The following CSGALNACT1 variants were observed in gnomAD, a reference collection of about 807,000 sequenced individuals.
CSGALNACT1 encodes beta4GalNAcT-1.
Under a neutral mutation model 51.0 loss-of-function variants are expected in CSGALNACT1, and 52 were observed. The observed-to-expected ratio is 1.02, with a 90% CI of 0.82 to 1.29. CSGALNACT1 has a LOEUF of 1.29. CSGALNACT1 is among the 50% of genes most tolerant of loss of function. The probability of loss-of-function intolerance (pLI) is 0.00; values close to 1 mark genes in which losing one functional copy is unlikely to be tolerated. For synonymous variants in CSGALNACT1, 341 were observed against 254.4 expected (o/e 1.34, Z -3.24); for missense variants, 935 against 679.2 (o/e 1.38, Z -4.19).
At chr8:19,691,301 C>T (rs1375282787) in intron 1 of CSGALNACT1, among the ~76,000 whole-genome samples, 2 of 152,094 alleles carry the variant, frequency 1.3e-5, no homozygotes, top group African/African-American at 4.8e-5. Flanking sequence ...AGGCCTCCTC[C>T]CAAACACCGC....
At chr8:19,634,434 A>G (rs10100272) in intron 1 of CSGALNACT1, among the ~76,000 whole-genome samples, 136,770 of 152,204 alleles carry the variant, frequency 0.9, 61,606 homozygotes, top group African/African-American at 0.96. Flanking sequence ...GGCCGAGGCA[A>G]GAGGATCATT....
intron 1 of CSGALNACT1, among the ~76,000 whole-genome samples, chr8:19,666,977 AAGAAAG>A (rs1564385248): frequency 2.2e-3 from 26 of 11,660 alleles, no homozygotes; most frequent in African/African-American, 0.014. Context: ...GAAAGAAAGA[AAGAAAG>A]AAAGAAAGAA....
chr8:19,465,933 C>T (rs1235587543), intron 4 of CSGALNACT1, among the ~76,000 whole-genome samples: 1 of 152,190 alleles, frequency 6.6e-6, no homozygotes, highest in Non-Finnish European at 1.5e-5. Context: ...GAATCCAGAT[C>T]ATGAAAAGAG....
chr8:19,632,348 G>A (rs575021487), intron 1 of CSGALNACT1, among the ~76,000 whole-genome samples: 3 of 152,308 alleles, frequency 2.0e-5, no homozygotes, highest in South Asian at 2.1e-4. Flanking sequence ...AAAAACAAGC[G>A]CTTTCTCAAC....
chr8:19,647,766 C>G (rs2057409747), intron 1 of CSGALNACT1, among the ~76,000 whole-genome samples: 1 of 152,132 alleles, frequency 6.6e-6, no homozygotes, highest in African/African-American at 2.4e-5. Flanking sequence ...CTGATACAAG[C>G]TTTGGGACTG....
chr8:19,547,447 G>GT (rs1554690474), intron 3 of CSGALNACT1, among the ~76,000 whole-genome samples: 1 of 202 alleles, frequency 5.0e-3, no homozygotes, highest in African/African-American at 0.018. Context: ...CATGGGGGTG[G>GT]TTTCCCCATA....
intron 1 of CSGALNACT1, among the ~76,000 whole-genome samples, chr8:19,717,139 A>G (rs1013959203): frequency 1.3e-5 from 2 of 152,246 alleles, no homozygotes; most frequent in African/African-American, 2.4e-5. Flanking sequence ...TATCATTTTA[A>G]GAAATAGTTG....
chr8:19,570,801 G>A lies in CSGALNACT1; in HGVS notation c.-297+20359C>T, dbSNP rs982517594. On this transcript the variant is annotated intron_variant, in intron 3 of 9. Coordinates refer to ENST00000454498, the Ensembl canonical transcript of CSGALNACT1. The stretch of plus-strand genomic sequence containing the variant: ...TGTAATCCCAGCTACTTGGGAGGCT[G>A]AAGCACAAGAATCAAGCTGAGGCTT... Among the ~76,000 whole-genome samples the A allele has an allele frequency of 3.3e-5, 5 of 152,144 alleles. No individual in the cohort carries two copies. In the South Asian group the frequency reaches 6.2e-4, roughly 19 times the overall value.
At position 19,691,128 on chromosome 8, in the gene CSGALNACT1, G is replaced by A. The variant is rs150281494; in HGVS notation, c.-297+66722C>T. Among the ~76,000 whole-genome samples, 639 of 152,232 alleles carry A rather than the reference G, an allele frequency of 4.2e-3. 2 individuals carry two copies. Among genetic ancestry groups the A allele is most frequent in the Non-Finnish European group, 6.7e-3 (459 of 68,016 alleles). On this transcript the variant is annotated intron_variant, in intron 1 of 1. Coordinates refer to the CSGALNACT1 transcript ENST00000517494. ...GAAAAACACAAATAAAACTCTCTGC[G>A]GCTTATCATAAAATGAAATGTCAGC...
chr8:19,630,703 A>G (rs963176908), intron 1 of CSGALNACT1, among the ~76,000 whole-genome samples: 1 of 152,148 alleles, frequency 6.6e-6, no homozygotes, highest in African/African-American at 2.4e-5. Context: ...TCTTTTCCAG[A>G]ATGTCATATA....
chr8:19,547,359 C>T (rs2086711333), intron 3 of CSGALNACT1, among the ~76,000 whole-genome samples: 1 of 152,218 alleles, frequency 6.6e-6, no homozygotes, highest in Non-Finnish European at 1.5e-5. Flanking sequence ...GCTGTGTCCT[C>T]ACTCAATTCT....
At chr8:19,641,126 GTCTTTTTT>G (rs1564328213) in intron 1 of CSGALNACT1, among the ~76,000 whole-genome samples, 1 of 126,018 alleles carries the variant, frequency 7.9e-6, no homozygotes, top group African/African-American at 3.2e-5. Flanking sequence ...ATGGTGACTG[GTCTTTTTT>G]TTTTTTTTTT....
intron 3 of CSGALNACT1, among the ~76,000 whole-genome samples, chr8:19,521,153 G>A (rs1159501333): frequency 2.6e-5 from 4 of 152,104 alleles, no homozygotes; most frequent in Non-Finnish European, 4.4e-5. Context: ...TATAGGTAAC[G>A]GCTAGCCAGC....
At chr8:19,521,296 A>C (rs1016620726) in intron 3 of CSGALNACT1, among the ~76,000 whole-genome samples, 3 of 152,176 alleles carry the variant, frequency 2.0e-5, no homozygotes, top group African/African-American at 7.2e-5. Context: ...TGTTCTAAAT[A>C]AAGGCCAGGG....
chr8:19,617,065 G>A (rs758269026), intron 1 of CSGALNACT1, among the ~76,000 whole-genome samples: 1 of 152,162 alleles, frequency 6.6e-6, no homozygotes, highest in Non-Finnish European at 1.5e-5. Flanking sequence ...CCTGTAACTA[G>A]ACAGTCCCAT....
chr8:19,408,978 A>ACACACACACACACACACACACACACACAC (rs57424251), intron 8 of CSGALNACT1, among the ~76,000 whole-genome samples: 2 of 150,876 alleles, frequency 1.3e-5, no homozygotes, highest in Non-Finnish European at 3.0e-5. Context: ...ACACACACAC[A>ACACACACACACACACACACACACACACAC]ATCAAAAACA....
intron 2 of CSGALNACT1, among the ~76,000 whole-genome samples, chr8:19,593,356 A>G (rs2048235427): frequency 6.6e-6 from 1 of 152,232 alleles, no homozygotes. Context: ...CTTACTGGTA[A>G]GGTTCACCAT....
At chr8:19,607,355 C>T (rs1237682537), upstream of CSGALNACT1, among the ~76,000 whole-genome samples, 8 of 152,068 alleles carry the variant, frequency 5.3e-5, no homozygotes, top group Non-Finnish European at 7.4e-5. Flanking sequence ...GGAGAGGATC[C>T]GCATTATAAC....
At chr8:19,486,050 G>A (rs1316723156) in intron 4 of CSGALNACT1, among the ~76,000 whole-genome samples, 1 of 151,434 alleles carries the variant, frequency 6.6e-6, no homozygotes, top group Non-Finnish European at 1.5e-5. Context: ...ACAGGCGTGA[G>A]CCACCGTACT....
Sources: allele counts gnomAD v4.1 joint callset (sites outside exome capture counted in the v4.1 genomes callset), GRCh38; gene constraint gnomAD v4.1.1; transcripts MANE v1.5; gene names NCBI Gene and HGNC (gene_info 2026-07-23, HGNC 2026-07-21).